Variants in RSPO2 observed in about 807,000 individuals in gnomAD.
The protein encoded by RSPO2 is R-spondin 2, also known as R-spondin-2.
A neutral mutation model predicts 30.9 loss-of-function variants in RSPO2; 14 were observed. That is an observed-to-expected ratio of 0.45 (90% confidence interval 0.30 to 0.71). The LOEUF (loss-of-function observed/expected upper bound fraction) is 0.71, where lower values mean the gene tolerates loss of function less well. RSPO2 is among the 30% of genes least tolerant of loss of function. The pLI is 0.08. For synonymous variants in RSPO2, 107 were observed against 96.4 expected (o/e 1.11, Z -0.64); for missense variants, 264 against 301.9 (o/e 0.87, Z 0.93).
intron 2 of RSPO2, among the ~76,000 whole-genome samples, chr8:108,025,526 C>G (rs999723937): frequency 2.0e-5 from 3 of 152,028 alleles, no homozygotes; most frequent in Non-Finnish European, 4.4e-5. Flanking sequence ...AAAGGTCTTC[C>G]TGATTTTTTT....
intron 5 of RSPO2, among the ~76,000 whole-genome samples, chr8:107,957,387 C>T (rs1813464722): frequency 6.6e-6 from 1 of 152,200 alleles, no homozygotes; most frequent in Non-Finnish European, 1.5e-5. Flanking sequence ...CTCAGACCCA[C>T]ATTTCAACTT....
At chr8:107,958,655 C>T (rs1813515939) in intron 4 of RSPO2, among the ~76,000 whole-genome samples, 1 of 152,092 alleles carries the variant, frequency 6.6e-6, no homozygotes. Flanking sequence ...GGTATTAAGC[C>T]CAGCATCCAT....
intron 2 of RSPO2, among the ~76,000 whole-genome samples, chr8:108,025,556 A>T (rs1487480562): frequency 6.6e-6 from 1 of 152,166 alleles, no homozygotes; most frequent in South Asian, 2.1e-4. Flanking sequence ...GATATATCTC[A>T]TTCTGTCCCT....
chr8:107,927,589 G>T (rs1289437002), intron 5 of RSPO2, among the ~76,000 whole-genome samples: 2 of 152,138 alleles, frequency 1.3e-5, no homozygotes, highest in Non-Finnish European at 2.9e-5. Context: ...CTAATTTATT[G>T]AGAGTTTTTA....
At chr8:108,027,890 C>G (rs1811275501) in intron 2 of RSPO2, among the ~76,000 whole-genome samples, 1 of 152,140 alleles carries the variant, frequency 6.6e-6, no homozygotes, top group African/African-American at 2.4e-5. Context: ...TCAGTAGTTC[C>G]CAATGTCTAT....
At chr8:108,075,676 CTG>C (rs754956841) in intron 2 of RSPO2, among the ~76,000 whole-genome samples, 29 of 133,216 alleles carry the variant, frequency 2.2e-4, no homozygotes, top group Admixed American at 5.6e-4. Flanking sequence ...GCTTTTATAC[CTG>C]TTTTTTTTTT....
At chr8:108,080,340 GA>G (rs1393173482) in intron 2 of RSPO2, among the ~76,000 whole-genome samples, 1 of 151,834 alleles carries the variant, frequency 6.6e-6, no homozygotes, top group African/African-American at 2.4e-5. Context: ...TTGAGAAGAA[GA>G]AAAAAAGTTT....
intron 2 of RSPO2, among the ~76,000 whole-genome samples, chr8:108,016,422 T>C (rs1407540567): frequency 6.6e-6 from 1 of 152,136 alleles, no homozygotes; most frequent in African/African-American, 2.4e-5. Context: ...AGACCAGCAA[T>C]GCTGAAAGGT....
chr8:107,983,402 C>A, intron 3 of RSPO2: 6 of 1,605,420 alleles, frequency 3.7e-6, no homozygotes, highest in Middle Eastern at 2.2e-4. Flanking sequence ...GATGTAGCTG[C>A]CCATCTTCAG....
chr8:107,968,664 T>C (rs1392433901), intron 3 of RSPO2, among the ~76,000 whole-genome samples: 1 of 152,086 alleles, frequency 6.6e-6, no homozygotes, highest in Non-Finnish European at 1.5e-5. Flanking sequence ...TTTCACATGG[T>C]ATACAGATAT....
At chr8:107,961,970 C>T (rs1813641835) in intron 3 of RSPO2, among the ~76,000 whole-genome samples, 1 of 152,156 alleles carries the variant, frequency 6.6e-6, no homozygotes, top group Non-Finnish European at 1.5e-5. Context: ...AACTACTCTT[C>T]AAGGAAAGTA....
intron 5 of RSPO2, among the ~76,000 whole-genome samples, chr8:107,901,501 T>C (rs1811461948): frequency 6.6e-6 from 1 of 152,234 alleles, no homozygotes; most frequent in Non-Finnish European, 1.5e-5. Context: ...CTCCTACTTC[T>C]AACAATGCTA....
In RSPO2 at chr8:107,951,043, G is replaced by GTTT. The variant is rs767290459; in HGVS notation, c.616+7034_616+7036dup. ...TGTGATGAGGCGATAGGGAGAATAA[G>GTTT]TTTTTTTTTGTTGTTGTTGTTGTTG... is the stretch of plus-strand genomic sequence containing the variant. On this transcript the variant is annotated intron_variant, in intron 5 of 5. Coordinates refer to ENST00000276659, the MANE Select transcript of RSPO2 (RefSeq NM_178565.5). Among the ~76,000 whole-genome samples, 82 of 85,796 alleles carry GTTT rather than the reference G, an allele frequency of 9.6e-4. 1 individual carries two copies. The highest frequency in any genetic ancestry group is 2.2e-3 in the South Asian group (5 of 2,282). The allele number at this position is 85,796 out of a possible 152,430, so 56.3% of individuals were successfully genotyped here.
intron 2 of RSPO2, among the ~76,000 whole-genome samples, chr8:107,994,882 C>T (rs79566611): frequency 0.027 from 4,107 of 152,084 alleles, 144 homozygotes; most frequent in African/African-American, 0.081. Context: ...CATTGTATAC[C>T]ATGTCATTCC....
At chr8:108,011,307 C>T (rs905042647) in intron 2 of RSPO2, among the ~76,000 whole-genome samples, 1 of 151,926 alleles carries the variant, frequency 6.6e-6, no homozygotes, top group Non-Finnish European at 1.5e-5. Flanking sequence ...ACATTTCTAA[C>T]CTTTTACATA....
chr8:107,971,901 A>G (rs1275917040), intron 3 of RSPO2, among the ~76,000 whole-genome samples: 3 of 152,142 alleles, frequency 2.0e-5, no homozygotes, highest in African/African-American at 7.2e-5. Flanking sequence ...GCTCAGTTAT[A>G]TGTGTGAAGT....
chr8:107,924,461 C>G (rs923734367), intron 5 of RSPO2, among the ~76,000 whole-genome samples: 3 of 151,914 alleles, frequency 2.0e-5, no homozygotes, highest in Non-Finnish European at 4.4e-5. Flanking sequence ...GGATGCAATT[C>G]CAATAAAAAT....
intron 5 of RSPO2, among the ~76,000 whole-genome samples, chr8:107,945,406 G>A (rs375828687): frequency 6.6e-6 from 1 of 151,382 alleles, no homozygotes. Context: ...CTGCCACCAC[G>A]CCGGGCTAAT....
At chr8:107,960,534 G>T in intron 4 of RSPO2, 140 bp downstream of exon 4, 1 of 798,332 alleles carries the variant, frequency 1.3e-6, no homozygotes, top group Non-Finnish European at 2.0e-6. Flanking sequence ...CTTAAAATCA[G>T]CAAAGAACTT....
Sources: allele counts gnomAD v4.1 joint callset (sites outside exome capture counted in the v4.1 genomes callset), GRCh38; gene constraint gnomAD v4.1.1; transcripts MANE v1.5; gene names NCBI Gene and HGNC (gene_info 2026-07-23, HGNC 2026-07-21).